MYO9A: variants seen among roughly 807,000 people sequenced by gnomAD.
MYO9A encodes unconventional myosin-IXa.
A neutral mutation model predicts 293.3 loss-of-function variants in MYO9A; 103 were observed. The ratio of observed to expected loss-of-function variants is 0.35; its 90% CI spans 0.30 to 0.41. The LOEUF is 0.41. Among genes scored for constraint, MYO9A ranks in the 10% least tolerant of loss-of-function variants. The pLI, the probability that MYO9A is intolerant of heterozygous loss-of-function variation, is 1.00. For synonymous variants in MYO9A, 1,001 were observed against 1,035.7 expected, an observed-to-expected ratio of 0.97 and a Z score of 0.64; for missense variants, 2,685 against 3,033.0, an observed-to-expected ratio of 0.89 and a Z score of 2.69.
At chr15:71,927,110 G>T (rs750462194) in intron 18 of MYO9A, among the ~76,000 whole-genome samples, 1 of 152,190 alleles carries the variant, frequency 6.6e-6, no homozygotes, top group African/African-American at 2.4e-5. Context: ...CACAGGAGCT[G>T]CACTGTCAGG....
intron 18 of MYO9A, among the ~76,000 whole-genome samples, chr15:71,932,664 T>C (rs1268407162): frequency 6.6e-6 from 1 of 151,984 alleles, no homozygotes; most frequent in Non-Finnish European, 1.5e-5. Context: ...ACTGCTTATC[T>C]GCATTGATCC....
At chr15:71,946,525 C>T (rs2058922455) in intron 15 of MYO9A, among the ~76,000 whole-genome samples, 1 of 152,092 alleles carries the variant, frequency 6.6e-6, no homozygotes. Context: ...ATAATTGTGT[C>T]CACTCTTTCA....
rs1158767926 is a variant in MYO9A, at chr15:71,862,385, G to T, written c.6091+115C>A. On this transcript the variant is annotated intron_variant, in intron 33 of 41. Coordinates refer to ENST00000356056, the MANE Select transcript of MYO9A (RefSeq NM_006901.4). ...TGAAGAGAGTATAGCAAGAGATGAG[G>T]TTAAAAATTTAGGTAGTGTAAATAA... 4 of 755,814 alleles carry T rather than the reference G, an allele frequency of 5.3e-6. No individual in the cohort carries two copies. The Admixed American group carries it at 9.6e-5, about 18-fold the overall frequency. The allele number at this position is 755,814 out of a possible 1,614,324, so 46.8% of individuals were successfully genotyped here. A position where few individuals can be genotyped will look rare whatever the true frequency, so the allele number is the denominator to read the frequency against.
Position 72,015,625 on chromosome 15 carries a change from TA to T in MYO9A, c.1155+3413del, listed in dbSNP as rs1308364569. Among the ~76,000 whole-genome samples, 6 of 151,120 alleles carry T rather than the reference TA, an allele frequency of 4.0e-5. No individual in the cohort carries two copies. In the South Asian group the frequency reaches 1.0e-3, roughly 26 times the overall value. On this transcript the variant is annotated intron_variant, in intron 6 of 41. Transcript: ENST00000356056. ...TGGACCCTAAAATTCATGGCTCAGA[TA>T]AATAAAAGAGTTTGGTGAGGCTGAC...
At chr15:72,037,261 CAAAAA>C (rs61042231) in intron 2 of MYO9A, among the ~76,000 whole-genome samples, 8 of 74,276 alleles carry the variant, frequency 1.1e-4, no homozygotes, top group Admixed American at 2.9e-4. Context: ...CAGAATGGGG[CAAAAA>C]AAAAAAAAAA....
At chr15:71,858,830 T>C (rs113138049) in intron 34 of MYO9A, 91 of 151,108 alleles carry the variant, frequency 6.0e-4, no homozygotes, top group African/African-American at 2.0e-3. Flanking sequence ...GTTGTGCACA[T>C]GTACTCTAGA....
At chr15:72,092,895 A>G (rs1403525210) in intron 1 of MYO9A, among the ~76,000 whole-genome samples, 1 of 150,920 alleles carries the variant, frequency 6.6e-6, no homozygotes, top group Non-Finnish European at 1.5e-5. Context: ...CCACCACTTC[A>G]GCCACCACCT....
chr15:71,893,692 G>A lies in MYO9A; in HGVS notation c.5129C>T (p.Pro1710Leu), dbSNP rs2057243600. 4 of 1,613,412 alleles carry A rather than the reference G, an allele frequency of 2.5e-6. No homozygotes were observed. In the African/African-American group the frequency reaches 4.0e-5, roughly 16 times the overall value. ...PAWKPVKLAG[P>L]GQRETSQRFS... Reference sequence around the variant, plus strand: ...CTCAAAACTTACCTCTCTTTGGCCTGGCCCAGCTAACTTCACAGGTTTCCA... The same window carrying A: ...CTCAAAACTTACCTCTCTTTGGCCTAGCCCAGCTAACTTCACAGGTTTCCA... The change falls in exon 26 of 42, where the codon CCA (proline) becomes CTA (leucine). Residue 1710 changes from proline (P) to leucine (L), a missense_variant. Physicochemically the swap from Pro to Leu is moderately conservative, Grantham distance 98. This residue lies in a region of MYO9A where 1,434 missense variants were observed against 1,497.7 expected (regional missense o/e 0.96). Transcript: ENST00000356056.
chr15:72,024,491 C>T (rs1183603160), intron 4 of MYO9A, among the ~76,000 whole-genome samples: 3 of 152,126 alleles, frequency 2.0e-5, no homozygotes, highest in Admixed American at 6.5e-5. Flanking sequence ...AGGCTGGTCT[C>T]GAACTCCTGG....
chr15:72,038,705 C>T (rs1267227809), intron 2 of MYO9A, among the ~76,000 whole-genome samples: 1 of 152,126 alleles, frequency 6.6e-6, no homozygotes, highest in African/African-American at 2.4e-5. Flanking sequence ...ATGGCAGAGC[C>T]ACAAAGAAGG....
At chr15:72,070,012 C>T (rs1257800646) in intron 1 of MYO9A, among the ~76,000 whole-genome samples, 3 of 151,690 alleles carry the variant, frequency 2.0e-5, no homozygotes, top group Admixed American at 6.6e-5. Flanking sequence ...ACCTGTAGTC[C>T]CTGCTACTCA....
intron 1 of MYO9A, among the ~76,000 whole-genome samples, chr15:72,104,612 G>T (rs879585236): frequency 6.6e-6 from 1 of 152,136 alleles, no homozygotes; most frequent in African/African-American, 2.4e-5. Flanking sequence ...CTGATTAAAC[G>T]AAGTAAAAGA....
intron 14 of MYO9A, chr15:71,959,084 C>T (rs1390125702): frequency 6.6e-6 from 1 of 152,110 alleles, no homozygotes; most frequent in East Asian, 1.9e-4. Flanking sequence ...ACAAAGATAA[C>T]CTCTTAGAAA....
chr15:72,099,081 C>A (rs1596566015), intron 1 of MYO9A, among the ~76,000 whole-genome samples: 1 of 152,086 alleles, frequency 6.6e-6, no homozygotes, highest in African/African-American at 2.4e-5. Context: ...ATCATTTGAG[C>A]CCAGAAGTTC....
intron 39 of MYO9A, among the ~76,000 whole-genome samples, chr15:71,845,796 TAC>T (rs1466869269): frequency 3.9e-5 from 6 of 152,224 alleles, no homozygotes; most frequent in Non-Finnish European, 7.3e-5. Flanking sequence ...AACTGGAAAT[TAC>T]ACATACAGCA....
rs1038102586 is a variant in MYO9A, at chr15:72,006,797, G to A, written c.1380+1029C>T. Among the ~76,000 whole-genome samples, 11 of 152,320 alleles carry A rather than the reference G, an allele frequency of 7.2e-5. No individual in the cohort carries two copies. The South Asian group carries it at 1.7e-3, about 23-fold the overall frequency. On this transcript the variant is annotated intron_variant, in intron 8 of 41. Transcript: ENST00000356056. ...AAATAGGGTGGAAGGAAAAGGTGCT[G>A]TTCTAAGTAATTTTGGAAATGAGTG...
At chr15:72,040,247 G>T (rs1431693197) in intron 2 of MYO9A, 1 of 152,340 alleles carries the variant, frequency 6.6e-6, no homozygotes, top group Non-Finnish European at 1.5e-5. Context: ...GTTAAAATTG[G>T]TCTTCATCCT....
chr15:71,929,989 A>T (rs1302327120), intron 18 of MYO9A, among the ~76,000 whole-genome samples: 1 of 152,160 alleles, frequency 6.6e-6, no homozygotes, highest in Non-Finnish European at 1.5e-5. Flanking sequence ...CAATTTTTTG[A>T]AAGAGTTTGA....
In MYO9A at chr15:71,880,291, TAC is replaced by T. The variant is rs760982658; in HGVS notation, c.5622+42_5622+43del. On this transcript the variant is annotated intron_variant, in intron 29 of 41. Transcript: ENST00000356056. ...TATCCTGATATACACAAGTATTCCA[TAC>T]ACAGAGCTGCTCCAGGGCCTGACGT... is the stretch of plus-strand genomic sequence containing the variant. 5.2e-6 allele frequency: 8 copies of T among 1,528,288 alleles called. No homozygotes were observed. In the South Asian group the frequency reaches 7.9e-5, roughly 15 times the overall value. The allele number at this position is 1,528,288 out of a possible 1,614,324, so 94.7% of individuals were successfully genotyped here. A position where few individuals can be genotyped will look rare whatever the true frequency, so the allele number is the denominator to read the frequency against.
Sources: allele counts gnomAD v4.1 joint callset (sites outside exome capture counted in the v4.1 genomes callset), GRCh38; gene constraint gnomAD v4.1.1; regional missense constraint gnomAD v4.1.1; transcripts MANE v1.5; gene names NCBI Gene and HGNC (gene_info 2026-07-23, HGNC 2026-07-21).